Variants in PDSS2 observed in about 807,000 individuals in gnomAD.
PDSS2 encodes all trans-polyprenyl-diphosphate synthase PDSS2.
In PDSS2, 31 loss-of-function variants were observed where a neutral mutation model predicts 44.5. The ratio of observed to expected loss-of-function variants is 0.70; its 90% confidence interval spans 0.52 to 0.94. The LOEUF is 0.94. PDSS2 is among the 40% of genes least tolerant of loss of function. The probability of loss-of-function intolerance (pLI) is 0.00; values close to 1 mark genes in which losing one functional copy is unlikely to be tolerated. For missense variants in PDSS2, 452 were observed against 482.2 expected (o/e 0.94, Z 0.59); for synonymous variants, 157 against 180.3 (o/e 0.87, Z 1.03).
intron 4 of PDSS2, among the ~76,000 whole-genome samples, chr6:107,222,224 C>G (rs911157914): frequency 6.6e-6 from 1 of 152,062 alleles, no homozygotes. Flanking sequence ...GTCTATAAAT[C>G]TCCACATTTG....
At chr6:107,210,159 G>GA (rs968383048) in intron 6 of PDSS2, among the ~76,000 whole-genome samples, 12 of 150,776 alleles carry the variant, frequency 8.0e-5, no homozygotes, top group African/African-American at 2.4e-4. Context: ...AAAGCCTTTA[G>GA]AAAAAAAAAG....
intron 6 of PDSS2, among the ~76,000 whole-genome samples, chr6:107,199,168 C>T (rs1371854757): frequency 6.6e-6 from 1 of 151,962 alleles, no homozygotes; most frequent in African/African-American, 2.4e-5. Context: ...TTAACAAATA[C>T]TCATTCAGCA....
chr6:107,405,655 G>A (rs540256797), intron 1 of PDSS2, among the ~76,000 whole-genome samples: 53 of 151,952 alleles, frequency 3.5e-4, no homozygotes, highest in Admixed American at 3.3e-3. Context: ...AGACCATCCC[G>A]GCTAAAACGG....
intron 7 of PDSS2, among the ~76,000 whole-genome samples, chr6:107,186,168 G>A (rs1562360313): frequency 6.6e-6 from 1 of 152,206 alleles, no homozygotes; most frequent in Non-Finnish European, 1.5e-5. Flanking sequence ...AGGGAGAGAT[G>A]TAATGAATTA....
intron 2 of PDSS2, among the ~76,000 whole-genome samples, chr6:107,332,042 A>G (rs1463705554): frequency 6.6e-6 from 1 of 151,958 alleles, no homozygotes; most frequent in African/African-American, 2.4e-5. Context: ...AAATTTTTAT[A>G]TATTTTCTCT....
chr6:107,305,692 G>T (rs186851507), intron 2 of PDSS2, among the ~76,000 whole-genome samples: 1 of 152,294 alleles, frequency 6.6e-6, no homozygotes, highest in Admixed American at 6.5e-5. Flanking sequence ...ATTATTTAGA[G>T]GTGTGGACAG....
intron 7 of PDSS2, chr6:107,192,449 G>T: frequency 4.3e-6 from 2 of 466,466 alleles, no homozygotes; most frequent in South Asian, 1.7e-5. Flanking sequence ...TAACTGGGGA[G>T]AAAAGACCTG....
At chr6:107,320,407 G>T (rs2115168446) in intron 2 of PDSS2, among the ~76,000 whole-genome samples, 1 of 152,232 alleles carries the variant, frequency 6.6e-6, no homozygotes, top group Non-Finnish European at 1.5e-5. Context: ...TTGAAATGTT[G>T]TCTCTAATGA....
chr6:107,227,581 G>A (rs1011197456), intron 4 of PDSS2, among the ~76,000 whole-genome samples: 1 of 151,954 alleles, frequency 6.6e-6, no homozygotes, highest in Non-Finnish European at 1.5e-5. Flanking sequence ...CCACTGCATC[G>A]GGCCCAGAGT....
At chr6:107,372,416 G>C (rs1264221019) in intron 1 of PDSS2, among the ~76,000 whole-genome samples, 4 of 152,070 alleles carry the variant, frequency 2.6e-5, no homozygotes, top group Admixed American at 6.6e-5. Context: ...AGGAGGAAAA[G>C]GGGTTAAAGC....
intron 6 of PDSS2, among the ~76,000 whole-genome samples, chr6:107,202,148 C>G (rs1379987488): frequency 6.6e-6 from 1 of 152,198 alleles, no homozygotes; most frequent in Non-Finnish European, 1.5e-5. Context: ...AAGAGATTCT[C>G]TAGCCTCAGC....
intron 4 of PDSS2, among the ~76,000 whole-genome samples, chr6:107,232,452 C>T (rs1055209725): frequency 1.4e-4 from 22 of 152,182 alleles, no homozygotes; most frequent in Non-Finnish European, 2.5e-4. Context: ...AATGTTTTTT[C>T]CCCCCAACAT....
At chr6:107,369,061 A>G (rs1583000254) in intron 1 of PDSS2, among the ~76,000 whole-genome samples, 1 of 152,222 alleles carries the variant, frequency 6.6e-6, no homozygotes, top group African/African-American at 2.4e-5. Context: ...AGACAATTCA[A>G]TGGGAAAAAG....
intron 7 of PDSS2, among the ~76,000 whole-genome samples, chr6:107,165,818 G>A (rs1392563092): frequency 6.6e-6 from 1 of 152,148 alleles, no homozygotes; most frequent in East Asian, 1.9e-4. Flanking sequence ...TCTTCCATTT[G>A]TTTGTGTCTT....
intron 2 of PDSS2, among the ~76,000 whole-genome samples, chr6:107,308,965 A>G (rs1206297283): frequency 6.6e-6 from 1 of 152,240 alleles, no homozygotes; most frequent in East Asian, 1.9e-4. Context: ...GCTTGAGGGA[A>G]AAAGAAATGA....
intron 3 of PDSS2, among the ~76,000 whole-genome samples, chr6:107,264,774 C>T (rs1385234825): frequency 2.0e-5 from 3 of 152,168 alleles, no homozygotes; most frequent in Non-Finnish European, 4.4e-5. Flanking sequence ...GTTAGCATGT[C>T]TCACTGATAG....
At chr6:107,445,148 T>C (rs999612943) in intron 1 of PDSS2, among the ~76,000 whole-genome samples, 9 of 151,652 alleles carry the variant, frequency 5.9e-5, no homozygotes, top group Non-Finnish European at 1.0e-4. Flanking sequence ...GAAATTTAAG[T>C]AACGAAAATT....
At chr6:107,257,144 C>T (rs1775049651) in intron 3 of PDSS2, among the ~76,000 whole-genome samples, 1 of 151,812 alleles carries the variant, frequency 6.6e-6, no homozygotes, top group Non-Finnish European at 1.5e-5. Flanking sequence ...CATGCCACTA[C>T]ACTCCAGCCT....
chr6:107,197,539 C>A (rs1354141912), intron 6 of PDSS2, among the ~76,000 whole-genome samples: 1 of 150,038 alleles, frequency 6.7e-6, no homozygotes, highest in Non-Finnish European at 1.5e-5. Context: ...AGACACTCAG[C>A]TGGTGTCAGC....
Sources: gnomAD v4.1 joint callset for allele counts (sites outside exome capture counted in the v4.1 genomes callset) on GRCh38, gnomAD v4.1.1 for gene constraint, MANE v1.5 for transcripts, NCBI Gene and HGNC (gene_info 2026-07-23, HGNC 2026-07-21) for gene names.